Variants in AGBL1 observed in about 807,000 individuals in gnomAD.
AGBL1 encodes cytosolic carboxypeptidase 4.
Under a neutral mutation model 118.9 loss-of-function variants are expected in AGBL1, and 130 were observed. The observed-to-expected ratio is 1.09, with a 90% CI of 0.95 to 1.26. The LOEUF is 1.26. AGBL1 is among the 50% of genes most tolerant of loss of function. AGBL1 has a pLI of 0.00. For synonymous variants in AGBL1, 555 were observed against 478.9 expected (o/e 1.16, Z -2.08); for missense variants, 1,584 against 1,298.1 (o/e 1.22, Z -3.38).
At chr15:86,251,527 G>A (rs1361142442) in intron 7 of AGBL1, among the ~76,000 whole-genome samples, 1 of 152,166 alleles carries the variant, frequency 6.6e-6, no homozygotes, top group Non-Finnish European at 1.5e-5. Flanking sequence ...AACCTACTGA[G>A]AATGAGACTG....
At chr15:86,723,668 A>G (rs1214192654) in intron 22 of AGBL1, among the ~76,000 whole-genome samples, 1 of 151,252 alleles carries the variant, frequency 6.6e-6, no homozygotes, top group African/African-American at 2.4e-5. Context: ...TAAAAAAAAG[A>G]AAACAAAGCA....
chr15:86,421,887 A>G (rs142152130), intron 18 of AGBL1, among the ~76,000 whole-genome samples: 1 of 152,356 alleles, frequency 6.6e-6, no homozygotes, highest in African/African-American at 2.4e-5. Context: ...GATCAATGCA[A>G]CAAGAAGAGC....
At chr15:86,998,899 C>T (rs1336707109) in intron 24 of AGBL1, among the ~76,000 whole-genome samples, 1 of 151,146 alleles carries the variant, frequency 6.6e-6, no homozygotes, top group Non-Finnish European at 1.5e-5. Flanking sequence ...TTCTAGGGTA[C>T]ATGTGCACAA....
chr15:86,238,721 G>A (rs527626838), intron 6 of AGBL1, among the ~76,000 whole-genome samples: 1 of 152,324 alleles, frequency 6.6e-6, no homozygotes, highest in South Asian at 2.1e-4. Context: ...GATTGATAAA[G>A]TATGTGAGAT....
intron 18 of AGBL1, among the ~76,000 whole-genome samples, chr15:86,498,302 C>G (rs2082877934): frequency 1.3e-5 from 2 of 151,884 alleles, no homozygotes; most frequent in Non-Finnish European, 2.9e-5. Context: ...AGACAGTAGA[C>G]TTCTTGGGAT....
At chr15:86,589,388 T>A in intron 21 of AGBL1, among the ~76,000 whole-genome samples, 1 of 152,178 alleles carries the variant, frequency 6.6e-6, no homozygotes, top group East Asian at 1.9e-4. Context: ...TAAGGGTAAT[T>A]TGGATCATGT....
intron 24 of AGBL1, among the ~76,000 whole-genome samples, chr15:86,994,797 G>A (rs1361848935): frequency 6.6e-6 from 1 of 152,154 alleles, no homozygotes; most frequent in Non-Finnish European, 1.5e-5. Flanking sequence ...CATCTTACAA[G>A]CTGACTTTAG....
chr15:86,657,592 T>C (rs1026298428), intron 21 of AGBL1, among the ~76,000 whole-genome samples: 5 of 152,184 alleles, frequency 3.3e-5, no homozygotes, highest in South Asian at 2.1e-4. Flanking sequence ...GGAGAAAGAT[T>C]TGGTGTTATT....
At chr15:86,821,540 G>T (rs976311107) in intron 22 of AGBL1, among the ~76,000 whole-genome samples, 24 of 152,194 alleles carry the variant, frequency 1.6e-4, no homozygotes, top group African/African-American at 5.8e-4. Flanking sequence ...AAATATAATT[G>T]TTGAAAATAA....
chr15:86,376,885 G>A (rs1239042051), intron 17 of AGBL1, among the ~76,000 whole-genome samples: 1 of 152,242 alleles, frequency 6.6e-6, no homozygotes, highest in African/African-American at 2.4e-5. Flanking sequence ...GGGTAAAGTT[G>A]ATGCTTCATT....
At chr15:86,341,054 T>G (rs1005826633) in intron 17 of AGBL1, among the ~76,000 whole-genome samples, 9 of 152,196 alleles carry the variant, frequency 5.9e-5, no homozygotes, top group Admixed American at 5.9e-4. Context: ...GGGTAGGACG[T>G]GGGAGTCCAG....
At chr15:86,261,071 A>T (rs942157186) in intron 9 of AGBL1, among the ~76,000 whole-genome samples, 4 of 152,222 alleles carry the variant, frequency 2.6e-5, no homozygotes, top group Admixed American at 2.6e-4. Flanking sequence ...CTTTTCCAAT[A>T]AAACTTTATT....
At chr15:86,509,342 A>G (rs1450133518) in intron 18 of AGBL1, among the ~76,000 whole-genome samples, 1 of 152,040 alleles carries the variant, frequency 6.6e-6, no homozygotes, top group African/African-American at 2.4e-5. Context: ...AGGGGATTTG[A>G]GAGTTGGGAG....
chr15:86,741,773 T>G (rs981098051), intron 22 of AGBL1, among the ~76,000 whole-genome samples: 7 of 115,958 alleles, frequency 6.0e-5, no homozygotes, highest in African/African-American at 2.1e-4. Context: ...CTAGCAGACA[T>G]TTTTTTTTTA....
In AGBL1 at chr15:86,398,334, A is replaced by G. The variant is rs180742971; in HGVS notation, c.2555+788A>G. On this transcript the variant is annotated intron_variant, in intron 18 of 22. Coordinates refer to ENST00000614907, the MANE Select transcript of AGBL1 (RefSeq NM_001386094.1). ...TGAGGGTGACAGGATTAACATCCAC[A>G]AAGAGGTCTTTCAAACTTTGTGGGC... Among the ~76,000 whole-genome samples the G allele has an allele frequency of 1.1e-4, 16 of 152,280 alleles. No homozygotes were observed. In the East Asian group the frequency reaches 2.9e-3, roughly 28 times the overall value.
At chr15:86,991,054 A>G (rs2594328) in intron 24 of AGBL1, among the ~76,000 whole-genome samples, 83,863 of 152,002 alleles carry the variant, frequency 0.55, 25,183 homozygotes, top group South Asian at 0.72. Flanking sequence ...TACATTTTAT[A>G]AGAGTACCTA....
intron 17 of AGBL1, among the ~76,000 whole-genome samples, chr15:86,371,515 C>T (rs528359597): frequency 6.6e-6 from 1 of 152,196 alleles, no homozygotes; most frequent in East Asian, 1.9e-4. Flanking sequence ...TATCACATTG[C>T]ATATATAGGA....
chr15:86,257,124 A>G, intron 8 of AGBL1, 106 bp downstream of exon 8: 4 of 1,207,726 alleles, frequency 3.3e-6, no homozygotes, highest in South Asian at 1.6e-5. Context: ...TAGGTCAACC[A>G]TAATTGTCTA....
intron 23 of AGBL1, among the ~76,000 whole-genome samples, chr15:86,937,753 G>A (rs962918223): frequency 2.0e-5 from 3 of 152,162 alleles, no homozygotes; most frequent in Non-Finnish European, 4.4e-5. Flanking sequence ...CCCATGACAT[G>A]AGTTTACCTA....
Sources: allele counts gnomAD v4.1 joint callset (sites outside exome capture counted in the v4.1 genomes callset), GRCh38; gene constraint gnomAD v4.1.1; transcripts MANE v1.5; gene names NCBI Gene and HGNC (gene_info 2026-07-23, HGNC 2026-07-21).